Variants in TEKT5 observed in about 807,000 individuals in gnomAD.
TEKT5 encodes the protein tektin 5.
A neutral mutation model predicts 48.7 loss-of-function variants in TEKT5; 52 were observed. That is an observed-to-expected ratio of 1.07 (90% CI 0.86 to 1.35). The LOEUF (loss-of-function observed/expected upper bound fraction) is 1.35, where lower values mean the gene tolerates loss of function less well. TEKT5 is among the 40% of genes most tolerant of loss of function. The probability of loss-of-function intolerance (pLI) is 0.00; values close to 1 mark genes in which losing one functional copy is unlikely to be tolerated. For missense variants in TEKT5, 831 were observed against 641.6 expected (o/e 1.30, Z -3.19); for synonymous variants, 318 against 267.6 (o/e 1.19, Z -1.84).
At chr16:10,658,718 C>T (rs968109160) in intron 5 of TEKT5, among the ~76,000 whole-genome samples, 15 of 67,300 alleles carry the variant, frequency 2.2e-4, no homozygotes, top group African/African-American at 1.2e-3. Context: ...CTAGATATTT[C>T]TTTTTCTTTT....
At chr16:10,630,494 G>A (rs1181992528) in intron 6 of TEKT5, among the ~76,000 whole-genome samples, 2 of 152,120 alleles carry the variant, frequency 1.3e-5, no homozygotes, top group Admixed American at 6.5e-5. Flanking sequence ...TCCTCCCTCC[G>A]CCTCCCAGGA....
rs543381762 is a variant in TEKT5, at chr16:10,677,015, T to G, written c.864-834A>C. 2.6e-5 allele frequency among the ~76,000 whole-genome samples: 4 copies of G among 152,146 alleles called. No individual in the cohort carries two copies. The South Asian group carries it at 8.3e-4, about 32-fold the overall frequency. ...ACTGGGCAATGTGGTGAAACCCACA[T>G]CTCTATAAAAAATGTCAAAAAAAAA... is the stretch of plus-strand genomic sequence containing the variant. On this transcript the variant is annotated intron_variant, in intron 4 of 6. Transcript: ENST00000283025.
intron 3 of TEKT5, among the ~76,000 whole-genome samples, chr16:10,686,123 C>A (rs1273085233): frequency 6.6e-6 from 1 of 152,146 alleles, no homozygotes; most frequent in South Asian, 2.1e-4. Flanking sequence ...GAATAGAGAG[C>A]CCAGAAATAA....
intron 5 of TEKT5, among the ~76,000 whole-genome samples, chr16:10,642,377 C>A (rs1166314129): frequency 1.3e-5 from 2 of 152,166 alleles, no homozygotes; most frequent in Non-Finnish European, 2.9e-5. Flanking sequence ...TACTATTCAA[C>A]TAGGGACAGT....
At chr16:10,645,182 C>T (rs1429120129) in intron 5 of TEKT5, among the ~76,000 whole-genome samples, 1 of 152,150 alleles carries the variant, frequency 6.6e-6, no homozygotes, top group African/African-American at 2.4e-5. Flanking sequence ...GGCAAGCCCC[C>T]CCAGTTATTG....
intron 5 of TEKT5, among the ~76,000 whole-genome samples, chr16:10,659,763 T>G (rs1442224399): frequency 6.6e-6 from 1 of 152,180 alleles, no homozygotes; most frequent in Non-Finnish European, 1.5e-5. Context: ...GTACGCTCAT[T>G]ATTAGTGTTA....
intron 5 of TEKT5, among the ~76,000 whole-genome samples, chr16:10,675,333 C>A (rs931676202): frequency 2.0e-5 from 3 of 152,176 alleles, no homozygotes; most frequent in Non-Finnish European, 4.4e-5. Context: ...CAGTGGGAAT[C>A]TAAATTTGCA....
intron 6 of TEKT5, among the ~76,000 whole-genome samples, chr16:10,634,994 G>C (rs1897892990): frequency 6.6e-6 from 1 of 152,176 alleles, no homozygotes; most frequent in South Asian, 2.1e-4. Flanking sequence ...GTTCTTTCAA[G>C]TCACTACCTT....
chr16:10,644,270 T>A (rs193149093), intron 5 of TEKT5, among the ~76,000 whole-genome samples: 5 of 152,262 alleles, frequency 3.3e-5, no homozygotes, highest in Admixed American at 2.0e-4. Flanking sequence ...ACTATTCCCA[T>A]TGCACATATG....
chr16:10,678,151 T>C (rs1898681435), intron 4 of TEKT5, among the ~76,000 whole-genome samples: 1 of 152,194 alleles, frequency 6.6e-6, no homozygotes, highest in Non-Finnish European at 1.5e-5. Context: ...TCTGAAGGTC[T>C]TGAGTGGCGG....
At chr16:10,693,072 A>G (rs577568403) in intron 1 of TEKT5, 1 of 152,392 alleles carries the variant, frequency 6.6e-6, no homozygotes, top group Admixed American at 6.5e-5. Flanking sequence ...GAATGTCCAC[A>G]TTTAGTTTTT....
chr16:10,681,263 T>C (rs1441445036), intron 4 of TEKT5, among the ~76,000 whole-genome samples: 1 of 152,156 alleles, frequency 6.6e-6, no homozygotes, highest in Non-Finnish European at 1.5e-5. Context: ...GTACTTAATT[T>C]TCTCCCAGTG....
intron 4 of TEKT5, among the ~76,000 whole-genome samples, chr16:10,677,118 G>C (rs1286020968): frequency 6.6e-6 from 1 of 152,190 alleles, no homozygotes; most frequent in Non-Finnish European, 1.5e-5. Flanking sequence ...TTGAGCCCAG[G>C]AGTCCGGGAC....
intron 5 of TEKT5, among the ~76,000 whole-genome samples, chr16:10,642,020 C>T (rs1237536318): frequency 6.6e-6 from 1 of 152,204 alleles, no homozygotes; most frequent in Non-Finnish European, 1.5e-5. Context: ...AGGGGCTGGC[C>T]GCAGGCTGGC....
chr16:10,632,889 C>T (rs892073747), intron 6 of TEKT5, among the ~76,000 whole-genome samples: 3 of 151,648 alleles, frequency 2.0e-5, no homozygotes, highest in East Asian at 3.9e-4. Context: ...CACACACACA[C>T]ACACACACAC....
At chr16:10,632,491 T>C (rs1447649635) in intron 6 of TEKT5, among the ~76,000 whole-genome samples, 1 of 152,098 alleles carries the variant, frequency 6.6e-6, no homozygotes, top group African/African-American at 2.4e-5. Flanking sequence ...AGATGGGGTC[T>C]TGCTATGTTG....
chr16:10,657,038 C>G (rs1488319745), intron 5 of TEKT5, among the ~76,000 whole-genome samples: 2 of 152,148 alleles, frequency 1.3e-5, no homozygotes, highest in Non-Finnish European at 2.9e-5. Flanking sequence ...TGCACCCAGC[C>G]TATATTTTTG....
intron 6 of TEKT5, among the ~76,000 whole-genome samples, chr16:10,628,502 C>T (rs1182346254): frequency 1.3e-5 from 2 of 152,138 alleles, no homozygotes; most frequent in East Asian, 3.9e-4. Context: ...GCCCTATTCA[C>T]GATAACCAAA....
intron 6 of TEKT5, among the ~76,000 whole-genome samples, chr16:10,628,019 T>C (rs914832685): frequency 3.3e-5 from 5 of 151,638 alleles, no homozygotes; most frequent in Non-Finnish European, 7.4e-5. Flanking sequence ...TTTGTATTTT[T>C]TTTTTTATTA....
Sources: allele counts gnomAD v4.1 joint callset (sites outside exome capture counted in the v4.1 genomes callset), GRCh38; gene constraint gnomAD v4.1.1; transcripts MANE v1.5; gene names NCBI Gene and HGNC (gene_info 2026-07-23, HGNC 2026-07-21).